CSNK2A1: variants seen among roughly 807,000 people sequenced by gnomAD.
CSNK2A1 encodes casein kinase 2 alpha 1.
CSNK2A1 carries 10 observed loss-of-function variants against 62.9 expected under a neutral mutation model. The observed-to-expected ratio is 0.16, with a 90% CI of 0.10 to 0.27. The LOEUF (loss-of-function observed/expected upper bound fraction) is 0.27, where lower values mean the gene tolerates loss of function less well. Among genes scored for constraint, CSNK2A1 ranks in the 10% least tolerant of loss-of-function variants. CSNK2A1 has a pLI of 1.00. For missense variants in CSNK2A1, 160 were observed against 492.0 expected (o/e 0.33, Z 6.38); for synonymous variants, 124 against 167.8 (o/e 0.74, Z 2.02).
rs560293088 is a variant in CSNK2A1 at position 536,521 on chromosome 20, T to C, written c.-227+7151A>G. On this transcript the variant is annotated intron_variant, in intron 1 of 13. Transcript: ENST00000217244. ...TTAGTAAGTTGCCCAAGGTAGTTGTTATCCGAACTGTAGAGACAAGAACTC... is the reference window on the plus strand; with the variant it reads ...TTAGTAAGTTGCCCAAGGTAGTTGTCATCCGAACTGTAGAGACAAGAACTC... Among the ~76,000 whole-genome samples the C allele has an allele frequency of 1.1e-3, 173 of 152,306 alleles. 1 individual carries two copies. The highest frequency in any genetic ancestry group is 3.8e-3 in the African/African-American group (157 of 41,570).
rs999901288 is a variant in CSNK2A1, at chr20:475,947, C to G, written c.*8014G>C. 6.6e-6 allele frequency: 1 copy of G among 152,252 alleles called. No homozygotes were observed. The highest frequency in any genetic ancestry group is 2.4e-5 in the African/African-American group (1 of 41,458). The allele number at this position is 152,252 out of a possible 1,614,324, so 9.4% of individuals were successfully genotyped here. On this transcript the variant is annotated 3_prime_UTR_variant, in exon 14 of 14. Transcript: ENST00000217244. ...TGCTTGGGCTGAACTTGATCTAGATCAGCTGAACTACATACAGTTGCCTTA... is the reference window on the plus strand; with the variant it reads ...TGCTTGGGCTGAACTTGATCTAGATGAGCTGAACTACATACAGTTGCCTTA...
At chr20:533,385 C>T (rs2019252651) in intron 1 of CSNK2A1, among the ~76,000 whole-genome samples, 1 of 152,154 alleles carries the variant, frequency 6.6e-6, no homozygotes, top group Non-Finnish European at 1.5e-5. Flanking sequence ...TAACATGCCC[C>T]TAGGGGCCTT....
intron 1 of CSNK2A1, among the ~76,000 whole-genome samples, chr20:528,615 T>G (rs2019147620): frequency 6.6e-6 from 1 of 152,066 alleles, no homozygotes; most frequent in Non-Finnish European, 1.5e-5. Flanking sequence ...TTCTTTCTTT[T>G]GTTTTTTTTT....
rs1427317266 is a variant in CSNK2A1, at chr20:499,121, T to C, written c.366+134A>G. ...CACTGCTTATATAGGAGTTCTTCTA[T>C]CTTAAAATTTGCACTGTAAGGATGA... On this transcript the variant is annotated intron_variant, in intron 6 of 13. Transcript: ENST00000217244. This position sits in a 1 kb window ranked among gnomAD's most constrained non-coding sequence, Gnocchi z 4.2. The C allele has an allele frequency of 1.6e-6, 1 of 623,470 alleles. No individual in the cohort carries two copies. The highest frequency in any genetic ancestry group is 2.5e-6 in the Non-Finnish European group (1 of 399,886). The allele number at this position is 623,470 out of a possible 1,614,324, so 38.6% of individuals were successfully genotyped here.
chr20:495,922 C>T, intron 7 of CSNK2A1, 120 bp from the exon 8 acceptor site: 2 of 737,726 alleles, frequency 2.7e-6, no homozygotes, highest in South Asian at 1.5e-5. Context: ...AAGCTGAGGA[C>T]ACAGTCACTT....
At chr20:484,105 A>C in intron 13 of CSNK2A1, 29 bp from the exon 14 acceptor site, 1 of 1,514,868 alleles carries the variant, frequency 6.6e-7, no homozygotes, top group South Asian at 1.3e-5. Context: ...CAGTGAGCCA[A>C]AGACACCAAC....
intron 1 of CSNK2A1, among the ~76,000 whole-genome samples, chr20:542,789 A>C (rs1053904879): frequency 2.7e-5 from 4 of 150,010 alleles, no homozygotes; most frequent in African/African-American, 1.0e-4. Flanking sequence ...TAAACAGCTG[A>C]AAAGTAATCA....
chr20:503,013 T>C (rs1310631649), intron 4 of CSNK2A1: 1 of 152,388 alleles, frequency 6.6e-6, no homozygotes, highest in Non-Finnish European at 1.5e-5. Flanking sequence ...CCACTATGCA[T>C]GCTTTTCATG....
chr20:525,523 C>T (rs964183577), intron 2 of CSNK2A1, among the ~76,000 whole-genome samples: 23 of 151,140 alleles, frequency 1.5e-4, no homozygotes, highest in African/African-American at 4.9e-4. Context: ...TGGTGGCGGG[C>T]GCCTGTAATC....
Position 508,513 on chromosome 20 carries a change from T to A in CSNK2A1, c.39A>T (p.Thr13=), listed in dbSNP as rs768993592. Residue 13 remains threonine, a synonymous_variant, in exon 3 of 14, where the codon ACA becomes ACT. Transcript: ENST00000217244. ...GPVPSRARVY[T]DVNTHRPREY... ...CTCGAGGTCTGTGTGTATTAACATC[T>A]GTGTAAACTCTGGCCCTGCTTGGCA... 1.2e-6 allele frequency: 2 copies of A among 1,614,152 alleles called. No homozygotes were observed. Among genetic ancestry groups the A allele is most frequent in the South Asian group, 2.2e-5 (2 of 91,074 alleles).
intron 4 of CSNK2A1, chr20:503,482 C>T: frequency 2.5e-6 from 1 of 398,642 alleles, no homozygotes; most frequent in Non-Finnish European, 4.4e-6. Flanking sequence ...CAGCAATGCA[C>T]AGGAATACTG....
chr20:513,847 ACTATTT>A (rs1235029266), intron 2 of CSNK2A1, among the ~76,000 whole-genome samples: 1 of 152,354 alleles, frequency 6.6e-6, no homozygotes, highest in Non-Finnish European at 1.5e-5. Flanking sequence ...CAACAAGCTA[ACTATTT>A]TTGCAGTACC....
chr20:513,344 G>C (rs2018762782), intron 2 of CSNK2A1, among the ~76,000 whole-genome samples: 1 of 152,208 alleles, frequency 6.6e-6, no homozygotes. Context: ...TGTGCTTGCA[G>C]ACTGAAGGGA....
chr20:515,764 C>T (rs2018817189), intron 2 of CSNK2A1, among the ~76,000 whole-genome samples: 1 of 152,196 alleles, frequency 6.6e-6, no homozygotes, highest in South Asian at 2.1e-4. Context: ...GTTCAGTAAA[C>T]ACTATTTGGT....
At chr20:529,316 G>A (rs933929287) in intron 1 of CSNK2A1, among the ~76,000 whole-genome samples, 1 of 151,688 alleles carries the variant, frequency 6.6e-6, no homozygotes, top group Non-Finnish European at 1.5e-5. Flanking sequence ...ATGAGCCATT[G>A]CACCCAGCCA....
chr20:507,775 T>C (rs571613275), intron 3 of CSNK2A1: 1 of 152,336 alleles, frequency 6.6e-6, no homozygotes, highest in South Asian at 2.1e-4. Context: ...GTTTTCAAAG[T>C]CTCTCAAGTA....
At chr20:504,884 C>T (rs2018543600) in intron 4 of CSNK2A1, 1 of 458,530 alleles carries the variant, frequency 2.2e-6, no homozygotes, top group East Asian at 3.3e-5. Context: ...TACCTTTGCT[C>T]CCTTACTCTG....
intron 1 of CSNK2A1, chr20:539,446 C>G (rs141896367): frequency 3.3e-5 from 5 of 152,200 alleles, no homozygotes; most frequent in African/African-American, 7.2e-5. Flanking sequence ...CCTCCAGTAA[C>G]GGCAGGCTGA....
At chr20:504,638 T>C (rs1027143710) in intron 4 of CSNK2A1, 6 of 154,452 alleles carry the variant, frequency 3.9e-5, no homozygotes, top group Admixed American at 6.5e-5. Context: ...CTAACTCCTT[T>C]TGAAGAGGCA....
Sources: allele counts gnomAD v4.1 joint callset (sites outside exome capture counted in the v4.1 genomes callset), GRCh38; gene constraint gnomAD v4.1.1; non-coding constraint Gnocchi (gnomAD v3.1); transcripts MANE v1.5; gene names NCBI Gene and HGNC (gene_info 2026-07-23, HGNC 2026-07-21).